The following SLC6A6 variants were observed in gnomAD, a reference collection of about 807,000 sequenced individuals.
SLC6A6 encodes the protein sodium- and chloride-dependent taurine transporter.
A neutral mutation model predicts 68.8 loss-of-function variants in SLC6A6; 16 were observed. The ratio of observed to expected loss-of-function variants is 0.23; its 90% CI spans 0.16 to 0.35. SLC6A6 has a LOEUF of 0.35. Ranked by LOEUF, SLC6A6 falls within the 10% of genes least tolerant of loss-of-function variation. The pLI is 1.00. For missense variants in SLC6A6, 474 were observed against 802.8 expected (o/e 0.59, Z 4.95); for synonymous variants, 312 against 315.4 (o/e 0.99, Z 0.12).
In SLC6A6 at chr3:14,489,219, C is replaced by T. The variant is rs1465758961; in HGVS notation, c.*4212C>T. The T allele has an allele frequency of 6.6e-6, 1 of 152,542 alleles. No homozygotes were observed. The highest frequency in any genetic ancestry group is 1.5e-5 in the Non-Finnish European group (1 of 68,006). The allele number at this position is 152,542 out of a possible 1,614,324, so 9.4% of individuals were successfully genotyped here. On this transcript the variant is annotated 3_prime_UTR_variant, in exon 15 of 15. Transcript: ENST00000622186. ...TTATGATATGATTCCCTGTATTTTG[C>T]AGGGGTTTTTTTCTCTTTTGCTTTT...
chr3:14,444,679 TA>T, intron 3 of SLC6A6: 1 of 455,582 alleles, frequency 2.2e-6, no homozygotes, highest in Non-Finnish European at 4.4e-6. Context: ...CTGCCCACAT[TA>T]GTAGAACCAC....
intron 1 of SLC6A6, among the ~76,000 whole-genome samples, chr3:14,413,937 T>A (rs1699308325): frequency 1.3e-5 from 2 of 152,338 alleles, no homozygotes; most frequent in African/African-American, 4.8e-5. Flanking sequence ...AGTTTTATTT[T>A]TTTTATTTAT....
At chr3:14,409,031 A>G (rs1368759258) in intron 1 of SLC6A6, among the ~76,000 whole-genome samples, 2 of 152,130 alleles carry the variant, frequency 1.3e-5, no homozygotes, top group Non-Finnish European at 2.9e-5. Context: ...GATGGTCTCG[A>G]TCTCCTGACC....
intron 1 of SLC6A6, among the ~76,000 whole-genome samples, chr3:14,412,213 G>GCCC (rs896379874): frequency 1.3e-5 from 2 of 152,170 alleles, no homozygotes; most frequent in African/African-American, 4.8e-5. Flanking sequence ...AGATGTCCTA[G>GCCC]CCCTGGCTCT....
rs1055693152 is a variant in SLC6A6 at position 14,468,652 on chromosome 3, T to C, written c.1096+440T>C. Among the ~76,000 whole-genome samples, 1 of 152,166 alleles carries C rather than the reference T, an allele frequency of 6.6e-6. No individual in the cohort carries two copies. Among genetic ancestry groups the C allele is most frequent in the African/African-American group, 2.4e-5 (1 of 41,432 alleles). ...GCGTGCTCCCTCTAAGCAGACGCAT[T>C]CATCCATCCCACCGATTTCTCGTGA... On this transcript the variant is annotated intron_variant, in intron 9 of 14. Coordinates refer to ENST00000622186, the MANE Select transcript of SLC6A6 (RefSeq NM_003043.6). The surrounding 1 kb of genome is among the most constrained non-coding windows in gnomAD (Gnocchi z 4.5).
Position 14,486,806 on chromosome 3 carries a change from A to T in SLC6A6, c.*1799A>T, listed in dbSNP as rs1386712020. The T allele has an allele frequency of 6.6e-6, 1 of 152,266 alleles. No homozygotes were observed. The highest frequency in any genetic ancestry group is 1.9e-4 in the East Asian group (1 of 5,178). The allele number at this position is 152,266 out of a possible 1,614,324, so 9.4% of individuals were successfully genotyped here. ...AGTATGCCTTTGGTGTCCCCCTCCC[A>T]AGGGGCAATTCTGAACCCCATCTTT... On this transcript the variant is annotated 3_prime_UTR_variant, in exon 15 of 15. Transcript: ENST00000622186.
intron 13 of SLC6A6, among the ~76,000 whole-genome samples, chr3:14,479,437 C>T (rs1055448054): frequency 3.9e-5 from 6 of 152,144 alleles, no homozygotes; most frequent in Non-Finnish European, 5.9e-5. Flanking sequence ...CCAGCCTGTG[C>T]GGGGCCAAGG....
In SLC6A6 at chr3:14,468,294, CA is replaced by C. The variant is rs1700666789; in HGVS notation, c.1096+83del. The C allele has an allele frequency of 9.2e-6, 12 of 1,302,274 alleles. No homozygotes were observed. The highest frequency in any genetic ancestry group is 3.0e-5 in the Admixed American group (1 of 33,818). The allele number at this position is 1,302,274 out of a possible 1,614,324, so 80.7% of individuals were successfully genotyped here. A position where few individuals can be genotyped will look rare whatever the true frequency, so the allele number is the denominator to read the frequency against. On this transcript the variant is annotated intron_variant, in intron 9 of 14. Coordinates refer to ENST00000622186, the MANE Select transcript of SLC6A6 (RefSeq NM_003043.6). The surrounding 1 kb of genome is among the most constrained non-coding windows in gnomAD (Gnocchi z 4.5). ...GTACTGCAGGCATGAAGCCAGACCC[CA>C]GGGGGCTTTGAGGGGGGACGAGCCT... is the stretch of plus-strand genomic sequence containing the variant.
intron 2 of SLC6A6, among the ~76,000 whole-genome samples, chr3:14,419,762 T>C (rs1461133882): frequency 6.6e-6 from 1 of 152,060 alleles, no homozygotes; most frequent in Non-Finnish European, 1.5e-5. Context: ...GCACCCCACA[T>C]GCAATTTCTC....
At chr3:14,407,919 A>G (rs1574902485) in intron 1 of SLC6A6, among the ~76,000 whole-genome samples, 1 of 151,634 alleles carries the variant, frequency 6.6e-6, no homozygotes, top group African/African-American at 2.4e-5. Context: ...CATTGCTGGG[A>G]TCCATCTGTG....
chr3:14,452,133 C>G (rs1700265869), intron 5 of SLC6A6, among the ~76,000 whole-genome samples: 1 of 152,182 alleles, frequency 6.6e-6, no homozygotes, highest in African/African-American at 2.4e-5. Flanking sequence ...TCCCTGCCAG[C>G]CCTTCCTCCC....
At position 14,443,606 on chromosome 3, in the gene SLC6A6, C is replaced by G; in HGVS notation, c.-11-18C>G. 6.6e-7 allele frequency: 1 copy of G among 1,521,460 alleles called. No homozygotes were observed. Among genetic ancestry groups the G allele is most frequent in the Non-Finnish European group, 9.1e-7 (1 of 1,102,258 alleles). The allele number at this position is 1,521,460 out of a possible 1,614,324, so 94.2% of individuals were successfully genotyped here. A position where few individuals can be genotyped will look rare whatever the true frequency, so the allele number is the denominator to read the frequency against. On this transcript the variant is annotated intron_variant, in intron 2 of 14. Coordinates refer to ENST00000622186, the MANE Select transcript of SLC6A6 (RefSeq NM_003043.6). ...GTCCCTCATCAGCTGCAGGATGCTTCTCTTTTGTCCCCCATAGAAAGCAAG... is the reference window on the plus strand; with the variant it reads ...GTCCCTCATCAGCTGCAGGATGCTTGTCTTTTGTCCCCCATAGAAAGCAAG...
intron 3 of SLC6A6, among the ~76,000 whole-genome samples, 165 bp from the exon 4 acceptor site, chr3:14,445,552 G>C (rs934279275): frequency 6.6e-6 from 1 of 152,246 alleles, no homozygotes; most frequent in African/African-American, 2.4e-5. Context: ...AGCTGGCCAG[G>C]TGGGCAGGGC....
chr3:14,410,515 A>G (rs939737442), intron 1 of SLC6A6, among the ~76,000 whole-genome samples: 21 of 152,212 alleles, frequency 1.4e-4, no homozygotes, highest in Middle Eastern at 3.2e-3. Flanking sequence ...TGGCCACTGC[A>G]TGGAATAGAA....
Position 14,436,131 on chromosome 3 carries a change from TTTGA to T in SLC6A6, c.-11-7490_-11-7487del, listed in dbSNP as rs565463711. Among the ~76,000 whole-genome samples, 421 of 152,330 alleles carry T rather than the reference TTTGA, an allele frequency of 2.8e-3. 1 individual carries two copies. The highest frequency in any genetic ancestry group is 9.6e-3 in the African/African-American group (399 of 41,574). The stretch of plus-strand genomic sequence containing the variant: ...ATATATAAAAGAGAAAAAGAAAGGC[TTTGA>T]TTAATTTCCACTTAAAACAGCTACT... On this transcript the variant is annotated intron_variant, in intron 2 of 14. Transcript: ENST00000622186.
chr3:14,480,902 C>G (rs964435485), intron 13 of SLC6A6, among the ~76,000 whole-genome samples: 2 of 152,208 alleles, frequency 1.3e-5, no homozygotes, highest in Admixed American at 6.5e-5. Context: ...TGGCCACTAG[C>G]CATTAGCATG....
chr3:14,458,776 C>T (rs1179615481), intron 6 of SLC6A6, among the ~76,000 whole-genome samples: 1 of 152,244 alleles, frequency 6.6e-6, no homozygotes, highest in African/African-American at 2.4e-5. Flanking sequence ...ATAATTAAAT[C>T]ATCCACTCAT....
At chr3:14,478,378 A>T in intron 11 of SLC6A6, 88 bp from the exon 12 acceptor site, 1 of 771,802 alleles carries the variant, frequency 1.3e-6, no homozygotes, top group African/African-American at 1.7e-5. Flanking sequence ...GGTTTTTTTA[A>T]TCTTATTGAT....
In SLC6A6 at chr3:14,466,506, G is replaced by T. The variant is rs557318871; in HGVS notation, c.733-10G>T. On this transcript the variant is annotated splice_polypyrimidine_tract_variant and intron_variant, in intron 6 of 14. Transcript: ENST00000622186. ...GCCCATGGCCTCCTGAATCCCTCTC[G>T]CCCTTGCAGGTCGTCTACTTCACAG... The T allele has an allele frequency of 3.7e-6, 6 of 1,607,160 alleles. No homozygotes were observed. The Admixed American group carries it at 6.7e-5, about 18-fold the overall frequency.
Sources: gnomAD v4.1 joint callset for allele counts (sites outside exome capture counted in the v4.1 genomes callset) on GRCh38, gnomAD v4.1.1 for gene constraint, Gnocchi (gnomAD v3.1) non-coding constraint, MANE v1.5 for transcripts, NCBI Gene and HGNC (gene_info 2026-07-23, HGNC 2026-07-21) for gene names.